The following RUFY4 variants were observed in gnomAD, a reference collection of about 807,000 sequenced individuals.
RUFY4 encodes RUN and FYVE domain containing 4.
A neutral mutation model predicts 69.0 loss-of-function variants in RUFY4; 73 were observed. The observed-to-expected ratio is 1.06, with a 90% CI of 0.88 to 1.29. The LOEUF (loss-of-function observed/expected upper bound fraction) is 1.29. RUFY4 is among the 50% of genes most tolerant of loss of function. RUFY4 has a pLI of 0.00. For missense variants in RUFY4, 770 were observed against 705.6 expected (o/e 1.09, Z -1.03); for synonymous variants, 287 against 271.8 (o/e 1.06, Z -0.55).
At chr2:218,080,571 G>A (rs904739853) in intron 8 of RUFY4, among the ~76,000 whole-genome samples, 1 of 152,168 alleles carries the variant, frequency 6.6e-6, no homozygotes, top group Non-Finnish European at 1.5e-5. Flanking sequence ...ATGCTCATGG[G>A]GCCATCTTTC....
chr2:218,085,271 C>T (rs774165240), intron 9 of RUFY4, among the ~76,000 whole-genome samples: 4 of 152,032 alleles, frequency 2.6e-5, no homozygotes, highest in Non-Finnish European at 5.9e-5. Context: ...TGATTAATCA[C>T]AGGTTCTCAG....
At chr2:218,049,407 T>C (rs1260133374) in intron 2 of RUFY4, among the ~76,000 whole-genome samples, 1 of 152,210 alleles carries the variant, frequency 6.6e-6, no homozygotes, top group Non-Finnish European at 1.5e-5. Context: ...GAATATATCA[T>C]CTCACTCTCC....
upstream of RUFY4, chr2:218,070,326 G>C (rs988141174): frequency 6.1e-6 from 3 of 492,368 alleles, no homozygotes; most frequent in Non-Finnish European, 7.4e-6. Context: ...ATTATGTGAG[G>C]ATTGAATGGG....
At chr2:218,074,798 A>AG (rs1331517156) in intron 6 of RUFY4, among the ~76,000 whole-genome samples, 1 of 152,134 alleles carries the variant, frequency 6.6e-6, no homozygotes, top group Non-Finnish European at 1.5e-5. Context: ...AGAGGAACTT[A>AG]GGGGGAACCA....
chr2:218,075,941 A>G (rs1172929497), intron 7 of RUFY4, among the ~76,000 whole-genome samples: 1 of 152,064 alleles, frequency 6.6e-6, no homozygotes, highest in South Asian at 2.1e-4. Flanking sequence ...CTATTGCCCC[A>G]CGCTAGACCC....
At chr2:218,050,755 A>C (rs1688925696) in intron 2 of RUFY4, among the ~76,000 whole-genome samples, 1 of 152,234 alleles carries the variant, frequency 6.6e-6, no homozygotes, top group Non-Finnish European at 1.5e-5. Flanking sequence ...ACCTAAGAAC[A>C]AATGTACAGA....
chr2:218,083,844 C>G (rs1186805785), intron 9 of RUFY4, among the ~76,000 whole-genome samples: 1 of 151,862 alleles, frequency 6.6e-6, no homozygotes, highest in Non-Finnish European at 1.5e-5. Context: ...GACCCACCCC[C>G]ACATACACAC....
intron 3 of RUFY4, chr2:218,060,350 T>C (rs1303346345): frequency 1.9e-6 from 3 of 1,538,472 alleles, no homozygotes; most frequent in African/African-American, 2.8e-5. Flanking sequence ...TAGAGAGTAG[T>C]GGAAGTGTGC....
chr2:218,080,899 C>T (rs1477239174), intron 8 of RUFY4, among the ~76,000 whole-genome samples: 1 of 152,196 alleles, frequency 6.6e-6, no homozygotes, highest in Non-Finnish European at 1.5e-5. Context: ...GCCCCCTCCA[C>T]TCATCAAGCT....
At chr2:218,076,943 T>C (rs557014505) in intron 8 of RUFY4, among the ~76,000 whole-genome samples, 1 of 152,342 alleles carries the variant, frequency 6.6e-6, no homozygotes, top group South Asian at 2.1e-4. Flanking sequence ...TCTCATTTGC[T>C]TCTTCCTGTT....
chr2:218,045,802 A>C (rs951283624), intron 2 of RUFY4, among the ~76,000 whole-genome samples: 8 of 127,080 alleles, frequency 6.3e-5, no homozygotes, highest in African/African-American at 2.7e-4. Flanking sequence ...TATGGGGTAC[A>C]TAGTGATTTT....
At chr2:218,083,843 C>T (rs1045486958) in intron 9 of RUFY4, among the ~76,000 whole-genome samples, 6 of 151,822 alleles carry the variant, frequency 4.0e-5, no homozygotes, top group Non-Finnish European at 8.8e-5. Context: ...AGACCCACCC[C>T]CACATACACA....
chr2:218,053,734 G>A, intron 2 of RUFY4, among the ~76,000 whole-genome samples: 1 of 151,542 alleles, frequency 6.6e-6, no homozygotes, highest in East Asian at 1.9e-4. Flanking sequence ...TCCTGACTTC[G>A]TGATCCGCCC....
At chr2:218,044,200 C>T (rs1688772363) in intron 2 of RUFY4, among the ~76,000 whole-genome samples, 1 of 152,152 alleles carries the variant, frequency 6.6e-6, no homozygotes, top group Non-Finnish European at 1.5e-5. Context: ...CTCCTGCCTG[C>T]TCCATGGAGC....
intron 8 of RUFY4, among the ~76,000 whole-genome samples, chr2:218,079,547 G>C (rs1396183091): frequency 6.6e-6 from 1 of 152,290 alleles, no homozygotes; most frequent in African/African-American, 2.4e-5. Flanking sequence ...GGAGCCGCTG[G>C]GCAAGCAGTT....
intron 2 of RUFY4, among the ~76,000 whole-genome samples, chr2:218,039,501 T>C (rs1249348236): frequency 1.3e-5 from 2 of 152,200 alleles, no homozygotes; most frequent in African/African-American, 2.4e-5. Flanking sequence ...GGAAGAGGAT[T>C]CTTGCTCACA....
At chr2:218,035,178 C>T (rs1414146857) in exon 1 of RUFY4, 1 of 152,330 alleles carries the variant, frequency 6.6e-6, no homozygotes, top group Non-Finnish European at 1.5e-5. Flanking sequence ...CAGCCAGGCT[C>T]TCCTGGGTGA....
upstream of RUFY4, chr2:218,069,185 C>G (rs1216145374): frequency 3.3e-5 from 5 of 152,620 alleles, no homozygotes; most frequent in African/African-American, 9.7e-5. Flanking sequence ...CTGCGGTTCC[C>G]CCACCGCTGT....
intron 8 of RUFY4, among the ~76,000 whole-genome samples, chr2:218,079,050 G>T (rs1689700773): frequency 6.6e-6 from 1 of 152,150 alleles, no homozygotes; most frequent in Non-Finnish European, 1.5e-5. Flanking sequence ...TGTATTTTTA[G>T]TAGAGATGGG....
Sources: gnomAD v4.1 joint callset for allele counts (sites outside exome capture counted in the v4.1 genomes callset) on GRCh38, gnomAD v4.1.1 for gene constraint, MANE v1.5 for transcripts, NCBI Gene and HGNC (gene_info 2026-07-23, HGNC 2026-07-21) for gene names.